ESRRG: variants seen among roughly 807,000 people sequenced by gnomAD.
ESRRG encodes estrogen-related receptor gamma.
Under a neutral mutation model 44.0 loss-of-function variants are expected in ESRRG, and 13 were observed. The observed-to-expected ratio is 0.30, with a 90% CI of 0.19 to 0.47. The LOEUF (loss-of-function observed/expected upper bound fraction) is 0.47, where lower values mean the gene tolerates loss of function less well. Ranked by LOEUF, ESRRG falls within the 20% of genes least tolerant of loss-of-function variation. The pLI, the probability that ESRRG is intolerant of heterozygous loss-of-function variation, is 1.00. For missense variants in ESRRG, 395 were observed against 580.6 expected, an observed-to-expected ratio of 0.68 and a Z score of 3.29; for synonymous variants, 215 against 214.6, an observed-to-expected ratio of 1.00 and a Z score of -0.02.
chr1:216,624,739 C>G (rs2062877045), intron 3 of ESRRG, among the ~76,000 whole-genome samples: 1 of 152,106 alleles, frequency 6.6e-6, no homozygotes. Context: ...TTAACTGCTT[C>G]TAAGTCATTT....
intron 2 of ESRRG, among the ~76,000 whole-genome samples, chr1:216,855,279 G>A (rs562590815): frequency 6.6e-6 from 1 of 152,280 alleles, no homozygotes; most frequent in Non-Finnish European, 1.5e-5. Context: ...CCTGGCAACA[G>A]CATCTAAGAA....
chr1:216,750,951 C>T (rs560977797), intron 2 of ESRRG, among the ~76,000 whole-genome samples: 3 of 152,238 alleles, frequency 2.0e-5, no homozygotes, highest in African/African-American at 7.2e-5. Context: ...TCAGAAAACA[C>T]CCTATCATTT....
chr1:216,866,828 T>G (rs998099148), intron 2 of ESRRG, among the ~76,000 whole-genome samples: 1 of 152,132 alleles, frequency 6.6e-6, no homozygotes. Context: ...GCATCCATGG[T>G]TAGATTTTCT....
chr1:216,746,015 C>T (rs1388211060), intron 2 of ESRRG, among the ~76,000 whole-genome samples: 4 of 152,144 alleles, frequency 2.6e-5, no homozygotes, highest in African/African-American at 4.8e-5. Context: ...AAGCTTTGTT[C>T]TGAGAGCTTT....
intron 2 of ESRRG, among the ~76,000 whole-genome samples, chr1:216,829,113 A>C (rs2095444181): frequency 6.6e-6 from 1 of 152,240 alleles, no homozygotes; most frequent in South Asian, 2.1e-4. Context: ...TCGTATTGAT[A>C]GAATGGCTGT....
rs114790290 is a variant in ESRRG at position 216,530,976 on chromosome 1, A to G, written c.863-11555T>C. ...GTGCTTTTCTCAATTTTCCTAAAATAGAAACTATAACTCAGTGTCTTTAAC... is the reference window on the plus strand; with the variant it reads ...GTGCTTTTCTCAATTTTCCTAAAATGGAAACTATAACTCAGTGTCTTTAAC... On this transcript the variant is annotated intron_variant, in intron 5 of 6. Coordinates refer to ENST00000408911, the MANE Select transcript of ESRRG (RefSeq NM_001438.4). Among the ~76,000 whole-genome samples, 896 of 152,310 alleles carry G rather than the reference A, an allele frequency of 5.9e-3. 11 individuals carry two copies. Among genetic ancestry groups the G allele is most frequent in the African/African-American group, 0.02 (839 of 41,574 alleles).
chr1:216,853,817 A>G (rs1157726947), intron 2 of ESRRG, among the ~76,000 whole-genome samples: 1 of 152,192 alleles, frequency 6.6e-6, no homozygotes, highest in East Asian at 1.9e-4. Flanking sequence ...GCACTTCATA[A>G]TAATTTCTTG....
At chr1:216,978,601 C>G (rs1489692512) in intron 1 of ESRRG, among the ~76,000 whole-genome samples, 1 of 152,190 alleles carries the variant, frequency 6.6e-6, no homozygotes, top group Admixed American at 6.5e-5. Context: ...ATCCACATCT[C>G]TAGTCTCATG....
intron 1 of ESRRG, among the ~76,000 whole-genome samples, chr1:217,080,402 G>T (rs1223913152): frequency 6.6e-6 from 1 of 152,014 alleles, no homozygotes; most frequent in Non-Finnish European, 1.5e-5. Flanking sequence ...GCCTTCCAGT[G>T]CTCATGCTGT....
intron 5 of ESRRG, among the ~76,000 whole-genome samples, chr1:216,526,012 T>C (rs541859602): frequency 6.6e-6 from 1 of 152,310 alleles, no homozygotes; most frequent in South Asian, 2.1e-4. Flanking sequence ...ATCTTGAACC[T>C]TGGAGAAAGC....
chr1:216,616,555 A>T (rs2061451873), intron 3 of ESRRG, among the ~76,000 whole-genome samples: 1 of 152,232 alleles, frequency 6.6e-6, no homozygotes, highest in Non-Finnish European at 1.5e-5. Flanking sequence ...GTGATGACAG[A>T]GGGCAGTCAT....
At chr1:217,058,240 G>A (rs541535505) in intron 1 of ESRRG, among the ~76,000 whole-genome samples, 6 of 152,130 alleles carry the variant, frequency 3.9e-5, no homozygotes, top group South Asian at 4.1e-4. Context: ...TAACGCAAAC[G>A]CTTTAGGCTA....
intron 2 of ESRRG, among the ~76,000 whole-genome samples, chr1:216,904,794 C>T (rs925574693): frequency 1.3e-5 from 2 of 152,150 alleles, no homozygotes; most frequent in African/African-American, 4.8e-5. Flanking sequence ...TGGAAGTCTA[C>T]GACAAGGCAG....
intron 1 of ESRRG, among the ~76,000 whole-genome samples, chr1:217,057,002 G>A (rs1159768319): frequency 6.6e-6 from 1 of 152,068 alleles, no homozygotes; most frequent in African/African-American, 2.4e-5. Context: ...TACCATCTGA[G>A]TACAAGGGGC....
chr1:217,050,295 A>C (rs1336020480), intron 1 of ESRRG, among the ~76,000 whole-genome samples: 1 of 152,170 alleles, frequency 6.6e-6, no homozygotes, highest in East Asian at 1.9e-4. Flanking sequence ...AGTCCAACAA[A>C]AATTAGGTTA....
chr1:216,769,945 A>G (rs917236828), intron 2 of ESRRG, among the ~76,000 whole-genome samples: 2 of 152,134 alleles, frequency 1.3e-5, no homozygotes, highest in African/African-American at 4.8e-5. Flanking sequence ...GAGAAATTAT[A>G]AAGAGGAATA....
At chr1:216,889,323 C>T (rs781574297) in intron 2 of ESRRG, among the ~76,000 whole-genome samples, 9 of 152,260 alleles carry the variant, frequency 5.9e-5, no homozygotes, top group South Asian at 2.1e-4. Flanking sequence ...AAATGGTCAA[C>T]GTAGAGGGTT....
At chr1:217,105,639 C>T (rs1397337559) in intron 1 of ESRRG, among the ~76,000 whole-genome samples, 1 of 152,182 alleles carries the variant, frequency 6.6e-6, no homozygotes, top group African/African-American at 2.4e-5. Context: ...TTCCCCGATG[C>T]TGATGCTGAC....
intron 1 of ESRRG, among the ~76,000 whole-genome samples, chr1:217,115,448 G>T (rs375844978): frequency 6.6e-6 from 1 of 151,982 alleles, no homozygotes; most frequent in Non-Finnish European, 1.5e-5. Flanking sequence ...TATATGATCC[G>T]TAAACATTTC....
Sources: gnomAD v4.1 joint callset for allele counts (sites outside exome capture counted in the v4.1 genomes callset) on GRCh38, gnomAD v4.1.1 for gene constraint, MANE v1.5 for transcripts, NCBI Gene and HGNC (gene_info 2026-07-23, HGNC 2026-07-21) for gene names.